The following HPS5 variants were observed in gnomAD, a reference collection of about 807,000 sequenced individuals.
HPS5 encodes BLOC-2 complex member HPS5.
Under a neutral mutation model 128.0 loss-of-function variants are expected in HPS5, and 83 were observed. The ratio of observed to expected loss-of-function variants is 0.65; its 90% CI spans 0.54 to 0.78. HPS5 has a LOEUF of 0.78. Ranked by LOEUF, HPS5 falls within the 30% of genes least tolerant of loss-of-function variation. HPS5 has a pLI of 0.00. For missense variants in HPS5, 1,281 were observed against 1,326.2 expected, an observed-to-expected ratio of 0.97 and a Z score of 0.53; for synonymous variants, 475 against 470.2, an observed-to-expected ratio of 1.01 and a Z score of -0.13.
intron 22 of HPS5, among the ~76,000 whole-genome samples, chr11:18,280,978 T>C (rs1419737407): frequency 6.6e-6 from 1 of 152,128 alleles, no homozygotes; most frequent in Non-Finnish European, 1.5e-5. Context: ...ATGAATAACT[T>C]AATACCACTG....
At chr11:18,315,607 T>G (rs1863527583) in intron 2 of HPS5, among the ~76,000 whole-genome samples, 1 of 149,952 alleles carries the variant, frequency 6.7e-6, no homozygotes, top group African/African-American at 2.5e-5. Flanking sequence ...AGTGAAACTC[T>G]ATCTTAAAAA....
chr11:18,311,512 T>TTATTA (rs769631140), intron 3 of HPS5, 61 bp from the exon 4 acceptor site: 12 of 482,378 alleles, frequency 2.5e-5, no homozygotes, highest in East Asian at 1.0e-4. Context: ...ATTATTATTA[T>TTATTA]TTTTTTTTTT....
chr11:18,284,922 T>C (rs978455159), intron 20 of HPS5, among the ~76,000 whole-genome samples: 5 of 151,874 alleles, frequency 3.3e-5, no homozygotes, highest in Admixed American at 6.6e-5. Flanking sequence ...CCTACCCAGG[T>C]TTTAGGTTTT....
intron 21 of HPS5, among the ~76,000 whole-genome samples, chr11:18,283,425 T>C (rs532303752): frequency 2.3e-3 from 354 of 152,154 alleles, no homozygotes; most frequent in Non-Finnish European, 4.0e-3. Flanking sequence ...CTGTGTGACT[T>C]TGGGCCAATT....
intron 16 of HPS5, among the ~76,000 whole-genome samples, 154 bp downstream of exon 16, chr11:18,291,288 T>A (rs1237662078): frequency 6.6e-6 from 1 of 152,216 alleles, no homozygotes; most frequent in African/African-American, 2.4e-5. Context: ...CTGAAAGAAC[T>A]ATTAAAAGTT....
chr11:18,312,100 T>C, intron 2 of HPS5, 76 bp from the exon 3 acceptor site: 1 of 1,089,078 alleles, frequency 9.2e-7, no homozygotes, highest in Non-Finnish European at 1.4e-6. Context: ...AAATAAATAC[T>C]GAGGATTTAT....
At chr11:18,290,913 C>T (rs1323195621) in intron 16 of HPS5, among the ~76,000 whole-genome samples, 1 of 151,770 alleles carries the variant, frequency 6.6e-6, no homozygotes, top group Non-Finnish European at 1.5e-5. Flanking sequence ...AGAGTGAGAC[C>T]CTGTCTCTAA....
intron 3 of HPS5, 28 bp downstream of exon 3, chr11:18,311,886 T>C (rs757058998): frequency 3.0e-6 from 4 of 1,331,810 alleles, no homozygotes; most frequent in Admixed American, 3.4e-5. Flanking sequence ...CTCCAAATGG[T>C]GTATGACAGA....
At chr11:18,281,849 T>C (rs918357498) in intron 22 of HPS5, 101 bp downstream of exon 22, 2 of 1,319,778 alleles carry the variant, frequency 1.5e-6, no homozygotes, top group African/African-American at 1.4e-5. Flanking sequence ...CTCATGTTAG[T>C]GATGGGTCGG....
chr11:18,290,478 A>G (rs1172943664), intron 16 of HPS5, among the ~76,000 whole-genome samples: 1 of 152,254 alleles, frequency 6.6e-6, no homozygotes, highest in African/African-American at 2.4e-5. Flanking sequence ...CTGCCACACA[A>G]TAAGTACCCC....
At chr11:18,309,206 T>G (rs1862694460) in intron 5 of HPS5, 127 bp from the exon 6 acceptor site, 3 of 901,372 alleles carry the variant, frequency 3.3e-6, no homozygotes, top group Non-Finnish European at 5.2e-6. Flanking sequence ...AAGCCAAAAC[T>G]TAATTTGCTT....
chr11:18,292,060 T>G, intron 15 of HPS5, 41 bp from the exon 16 acceptor site: 1 of 1,507,180 alleles, frequency 6.6e-7, no homozygotes, highest in African/African-American at 1.4e-5. Flanking sequence ...GTGTCATGTG[T>G]TTTTCTTAAA....
In HPS5 at chr11:18,319,255, C is replaced by CA. The variant is rs1864010264; in HGVS notation, c.-49-1349_-49-1348insT. Among the ~76,000 whole-genome samples, 55 of 139,218 alleles carry CA rather than the reference C, an allele frequency of 4.0e-4. 1 individual carries two copies. Among genetic ancestry groups the CA allele is most frequent in the South Asian group, 2.8e-3 (12 of 4,294 alleles). The allele number at this position is 139,218 out of a possible 152,430, so 91.3% of individuals were successfully genotyped here. A position where few individuals can be genotyped will look rare whatever the true frequency, so the allele number is the denominator to read the frequency against. On this transcript the variant is annotated intron_variant, in intron 1 of 22. Transcript: ENST00000349215. ...TATAATACGGAGGAAAAGACAAATA[C>CA]CACACACACACACACACACACACAC...
At chr11:18,317,646 G>A (rs1329987858) in intron 2 of HPS5, 105 bp downstream of exon 2, 2 of 1,105,190 alleles carry the variant, frequency 1.8e-6, no homozygotes, top group African/African-American at 3.1e-5. Context: ...ACTAGGACAG[G>A]TAAGAACACC....
intron 6 of HPS5, among the ~76,000 whole-genome samples, chr11:18,306,663 CGTACA>C (rs1341546067): frequency 6.6e-6 from 1 of 152,166 alleles, no homozygotes; most frequent in East Asian, 1.9e-4. Context: ...CAAACTATTT[CGTACA>C]TCCTTGAATC....
At chr11:18,305,067 T>C (rs1245368261) in intron 8 of HPS5, among the ~76,000 whole-genome samples, 5 of 152,244 alleles carry the variant, frequency 3.3e-5, no homozygotes, top group African/African-American at 9.6e-5. Context: ...TTGTGCCTGC[T>C]TGCTAAAAAC....
chr11:18,304,632 G>C (rs900885988), intron 8 of HPS5, among the ~76,000 whole-genome samples: 1 of 152,208 alleles, frequency 6.6e-6, no homozygotes, highest in African/African-American at 2.4e-5. Context: ...ATCACAAAGA[G>C]TGGTTAGTTA....
rs928885248 is a variant in HPS5 at position 18,283,837 on chromosome 11, T to C, written c.3016A>G (p.Ile1006Val). The C allele has an allele frequency of 6.2e-7, 1 of 1,612,984 alleles. No individual in the cohort carries two copies. The highest frequency in any genetic ancestry group is 1.7e-5 in the Admixed American group (1 of 60,018). The change falls in exon 21 of 23, where the codon ATT becomes GTT. Residue 1006 changes from isoleucine to valine, a missense_variant. By Grantham distance (29) the Ile-to-Val change is conservative. Coordinates refer to ENST00000349215, the MANE Select transcript of HPS5 (RefSeq NM_181507.2). Reference sequence around the variant, plus strand: ...AGGCTCATATCATTCAGATACACAATATTGGTGAAGGCCTCTCTTCTTCTC... The same window carrying C: ...AGGCTCATATCATTCAGATACACAACATTGGTGAAGGCCTCTCTTCTTCTC... ...LERRREAFTN[I>V]VYLNDMSLME...
intron 2 of HPS5, among the ~76,000 whole-genome samples, chr11:18,315,032 C>T (rs559265411): frequency 1.3e-5 from 2 of 152,200 alleles, no homozygotes; most frequent in South Asian, 2.1e-4. Flanking sequence ...CCTCTTAGGT[C>T]GACATTCTGC....
Sources: gnomAD v4.1 joint callset for allele counts (sites outside exome capture counted in the v4.1 genomes callset) on GRCh38, gnomAD v4.1.1 for gene constraint, MANE v1.5 for transcripts, NCBI Gene and HGNC (gene_info 2026-07-23, HGNC 2026-07-21) for gene names.